Variants in HSPA4L observed in about 807,000 individuals in gnomAD.
The protein encoded by HSPA4L is heat shock protein family A (Hsp70) member 4 like, also known as heat shock 70 kDa protein 4L.
In HSPA4L, 48 loss-of-function variants were observed where a neutral mutation model predicts 100.3. The observed-to-expected ratio is 0.48, with a 90% CI of 0.38 to 0.61. The LOEUF is 0.61. Ranked by LOEUF, HSPA4L falls within the 20% of genes least tolerant of loss-of-function variation. The probability of loss-of-function intolerance (pLI) is 0.00; values close to 1 mark genes in which losing one functional copy is unlikely to be tolerated. For synonymous variants in HSPA4L, 319 were observed against 328.2 expected, an observed-to-expected ratio of 0.97 and a Z score of 0.30; for missense variants, 886 against 988.6, an observed-to-expected ratio of 0.90 and a Z score of 1.39.
intron 12 of HSPA4L, among the ~76,000 whole-genome samples, chr4:127,814,663 G>A (rs909489690): frequency 6.6e-6 from 1 of 152,088 alleles, no homozygotes; most frequent in Non-Finnish European, 1.5e-5. Flanking sequence ...CACCTCCCAG[G>A]TTCAAGCAGT....
rs1734242379 is a variant in HSPA4L at position 127,837,553 on chromosome 4, G to GT, written c.*4682dup. The GT allele has an allele frequency of 6.6e-6, 1 of 152,124 alleles. No individual in the cohort carries two copies. Among genetic ancestry groups the GT allele is most frequent in the Admixed American group, 6.5e-5 (1 of 15,270 alleles). The allele number at this position is 152,124 out of a possible 1,614,324, so 9.4% of individuals were successfully genotyped here. On this transcript the variant is annotated 3_prime_UTR_variant, in exon 19 of 19. Transcript: ENST00000296464. The stretch of plus-strand genomic sequence containing the variant: ...CAAACTAATCTTTGTAAAGCAGTCA[G>GT]TTTCAGAAGATACTTTTTATCAAAA...
In HSPA4L at chr4:127,795,777, A is replaced by G; in HGVS notation, c.175A>G (p.Asn59Asp). The G allele has an allele frequency of 6.2e-7, 1 of 1,613,578 alleles. No homozygotes were observed. Residue 59 changes from asparagine to aspartate, a missense_variant, in exon 3 of 19, where the codon AAC (asparagine) becomes GAC (aspartate). Physicochemically the swap from Asn to Asp is conservative, Grantham distance 23. Coordinates refer to ENST00000296464, the MANE Select transcript of HSPA4L (RefSeq NM_014278.4). ...GNAAKSQIVT[N>D]VRNTIHGFKK... ...TGTTTACTGCCAACAGATAGTCACG[A>G]ACGTAAGAAATACAATTCATGGCTT...
intron 9 of HSPA4L, 63 bp downstream of exon 9, chr4:127,805,287 G>C: frequency 2.3e-6 from 3 of 1,316,856 alleles, no homozygotes; most frequent in Non-Finnish European, 3.1e-6. Context: ...TAGATCCAAA[G>C]GGGCCTTTTA....
chr4:127,789,476 C>T (rs1191008380), intron 1 of HSPA4L, among the ~76,000 whole-genome samples: 1 of 152,018 alleles, frequency 6.6e-6, no homozygotes, highest in East Asian at 1.9e-4. Context: ...GAAACCCTGT[C>T]TCTACTAAAA....
intron 16 of HSPA4L, among the ~76,000 whole-genome samples, chr4:127,825,134 C>T (rs1317052313): frequency 1.4e-5 from 2 of 147,912 alleles, no homozygotes; most frequent in Non-Finnish European, 3.0e-5. Context: ...AATGAGACTC[C>T]ATCTCAAAAA....
chr4:127,791,030 G>A (rs1256344299), intron 1 of HSPA4L, among the ~76,000 whole-genome samples: 9 of 152,036 alleles, frequency 5.9e-5, no homozygotes, highest in Admixed American at 5.9e-4. Context: ...GAGCCCTGCA[G>A]GTCAAGGCCT....
chr4:127,816,382 G>A (rs1237280691), intron 12 of HSPA4L, among the ~76,000 whole-genome samples: 1 of 152,118 alleles, frequency 6.6e-6, no homozygotes, highest in African/African-American at 2.4e-5. Context: ...GTAATTTTCT[G>A]CTTTTAAATG....
At chr4:127,832,193 C>T (rs900741900) in intron 18 of HSPA4L, among the ~76,000 whole-genome samples, 3 of 151,982 alleles carry the variant, frequency 2.0e-5, no homozygotes, top group South Asian at 2.1e-4. Flanking sequence ...TTTACTTTCA[C>T]GGCACTTTTT....
chr4:127,781,989 C>T, upstream of HSPA4L: 2 of 448,318 alleles, frequency 4.5e-6, no homozygotes, highest in Non-Finnish European at 8.9e-6. Flanking sequence ...AGCCCCGGGC[C>T]GGCCGGTCGC....
intron 12 of HSPA4L, among the ~76,000 whole-genome samples, chr4:127,814,920 A>G (rs572662008): frequency 6.6e-6 from 1 of 152,264 alleles, no homozygotes; most frequent in Admixed American, 6.5e-5. Context: ...TGTATTTGGA[A>G]GTTTAAAGAC....
At chr4:127,819,916 T>G (rs138943814) in intron 13 of HSPA4L, among the ~76,000 whole-genome samples, 22 of 152,304 alleles carry the variant, frequency 1.4e-4, no homozygotes, top group African/African-American at 4.8e-4. Context: ...CTCTTATGAT[T>G]GTTATGAACA....
intron 6 of HSPA4L, among the ~76,000 whole-genome samples, chr4:127,802,240 T>C (rs1733210387): frequency 6.6e-6 from 1 of 152,196 alleles, no homozygotes; most frequent in Non-Finnish European, 1.5e-5. Flanking sequence ...ATAAATTATT[T>C]ATCCATAAAT....
chr4:127,794,658 T>C (rs1732970926), intron 2 of HSPA4L, among the ~76,000 whole-genome samples: 2 of 152,092 alleles, frequency 1.3e-5, no homozygotes, highest in Admixed American at 6.6e-5. Context: ...GGACTTTCAT[T>C]ACCTCCCTGA....
chr4:127,796,030 T>A (rs574573840), intron 3 of HSPA4L, 122 bp downstream of exon 3: 1 of 783,158 alleles, frequency 1.3e-6, no homozygotes, highest in African/African-American at 1.7e-5. Context: ...ACCGAAGAGA[T>A]AGTAGTTTTT....
At chr4:127,822,927 A>T in intron 15 of HSPA4L, 33 bp downstream of exon 15, 1 of 1,601,354 alleles carries the variant, frequency 6.2e-7, no homozygotes, top group Non-Finnish European at 8.5e-7. Flanking sequence ...TTTTGTGAGG[A>T]CTATTTAAAG....
At chr4:127,786,477 T>C (rs1482253011) in intron 1 of HSPA4L, among the ~76,000 whole-genome samples, 1 of 152,196 alleles carries the variant, frequency 6.6e-6, no homozygotes, top group East Asian at 1.9e-4. Context: ...TTCCTAAAAA[T>C]TTTTTTGACA....
chr4:127,828,937 C>G lies in HSPA4L; in HGVS notation c.2166+1513C>G, dbSNP rs550646383. On this transcript the variant is annotated intron_variant, in intron 17 of 18. Transcript: ENST00000296464. ...ATTTGAGTTTTTATTATGTGCTAGG[C>G]TATTTTCTAGATGACTGAACTATAT... 2.6e-5 allele frequency among the ~76,000 whole-genome samples: 4 copies of G among 152,190 alleles called. No homozygotes were observed. In the South Asian group the frequency reaches 8.3e-4, roughly 32 times the overall value.
chr4:127,801,083 G>A, intron 4 of HSPA4L, 55 bp from the exon 5 acceptor site: 2 of 1,321,004 alleles, frequency 1.5e-6, no homozygotes, highest in Non-Finnish European at 1.1e-6. Flanking sequence ...ATATTTTTCA[G>A]TTGACAAAAT....
rs1733336317 is a variant in HSPA4L at position 127,805,728 on chromosome 4, C to T, written c.1179C>T (p.Ser393=). 2 of 1,612,460 alleles carry T rather than the reference C, an allele frequency of 1.2e-6. No individual in the cohort carries two copies. Among genetic ancestry groups the T allele is most frequent in the South Asian group, 2.2e-5 (2 of 90,908 alleles). The change falls in exon 10 of 19, where the codon TCC becomes TCT. Residue 393 remains serine (S), a synonymous_variant. Transcript: ENST00000296464. The stretch of plus-strand genomic sequence containing the variant: ...CAGCATTTAAAGTGCGTGAATTTTC[C>T]ATAACAGACCTTGTTCCCTATTCAA... ...LSPAFKVREF[S]ITDLVPYSIT... is the part of the protein sequence containing the mutation.
Sources: allele counts gnomAD v4.1 joint callset (sites outside exome capture counted in the v4.1 genomes callset), GRCh38; gene constraint gnomAD v4.1.1; transcripts MANE v1.5; gene names NCBI Gene and HGNC (gene_info 2026-07-23, HGNC 2026-07-21).